Variants in CNTN5 observed in about 807,000 individuals in gnomAD.
CNTN5 encodes contactin-5.
CNTN5 carries 77 observed loss-of-function variants against 129.1 expected under a neutral mutation model. The observed-to-expected ratio is 0.60, with a 90% CI of 0.50 to 0.72. The LOEUF is 0.72. CNTN5 is among the 30% of genes least tolerant of loss of function. The pLI is 0.00. For synonymous variants in CNTN5, 509 were observed against 465.6 expected (o/e 1.09, Z -1.20); for missense variants, 1,478 against 1,328.8 (o/e 1.11, Z -1.75).
At chr11:99,824,941 T>C (rs527935750) in intron 4 of CNTN5, among the ~76,000 whole-genome samples, 41 of 152,004 alleles carry the variant, frequency 2.7e-4, no homozygotes, top group Non-Finnish European at 4.6e-4. Context: ...CTAGATCTCA[T>C]ACAGTTTTTG....
intron 17 of CNTN5, among the ~76,000 whole-genome samples, chr11:100,257,761 T>C (rs1397370434): frequency 6.6e-6 from 1 of 151,900 alleles, no homozygotes; most frequent in Non-Finnish European, 1.5e-5. Context: ...AAAAAGAATG[T>C]CCACACAGAA....
At chr11:99,137,645 T>A (rs1859299419) in intron 1 of CNTN5, among the ~76,000 whole-genome samples, 1 of 152,154 alleles carries the variant, frequency 6.6e-6, no homozygotes, top group African/African-American at 2.4e-5. Flanking sequence ...ATACATTGTA[T>A]TACTCCTTAG....
chr11:99,634,890 C>A (rs1951494768), intron 3 of CNTN5, among the ~76,000 whole-genome samples: 1 of 152,170 alleles, frequency 6.6e-6, no homozygotes, highest in South Asian at 2.1e-4. Flanking sequence ...TTGTTCCACC[C>A]TATTGTCTAG....
intron 9 of CNTN5, among the ~76,000 whole-genome samples, chr11:100,025,636 G>GC (rs1941379827): frequency 6.6e-6 from 1 of 152,192 alleles, no homozygotes; most frequent in African/African-American, 2.4e-5. Flanking sequence ...GGGTGAAGCT[G>GC]CCCAACACCA....
At chr11:99,154,000 G>A (rs527733046) in intron 1 of CNTN5, among the ~76,000 whole-genome samples, 22 of 152,214 alleles carry the variant, frequency 1.4e-4, no homozygotes, top group Middle Eastern at 3.4e-3. Context: ...CTGGCCCCTA[G>A]AGGTTAGGAA....
intron 8 of CNTN5, among the ~76,000 whole-genome samples, chr11:99,975,618 A>G (rs1479534685): frequency 2.6e-5 from 4 of 152,098 alleles, no homozygotes; most frequent in Non-Finnish European, 4.4e-5. Flanking sequence ...AAAGTAAGGC[A>G]TATCTTACGT....
chr11:99,959,874 G>A (rs1336714861), intron 8 of CNTN5, among the ~76,000 whole-genome samples: 3 of 151,508 alleles, frequency 2.0e-5, no homozygotes, highest in South Asian at 2.1e-4. Flanking sequence ...ATTTACATTT[G>A]TTTTTTTCTG....
intron 2 of CNTN5, among the ~76,000 whole-genome samples, chr11:99,371,888 T>G (rs1412115715): frequency 6.6e-6 from 1 of 152,250 alleles, no homozygotes; most frequent in Non-Finnish European, 1.5e-5. Flanking sequence ...AACAGGCTTC[T>G]GCCCATTTTC....
intron 1 of CNTN5, among the ~76,000 whole-genome samples, chr11:99,055,342 T>G (rs756874372): frequency 4.5e-4 from 69 of 152,182 alleles, no homozygotes; most frequent in Non-Finnish European, 7.2e-4. Context: ...GCCTGACTAA[T>G]TTAAGATATC....
intron 2 of CNTN5, among the ~76,000 whole-genome samples, chr11:99,511,811 T>G (rs891461548): frequency 1.3e-5 from 2 of 150,544 alleles, no homozygotes; most frequent in Admixed American, 6.6e-5. Flanking sequence ...CCCTAAAACT[T>G]AAAGTATAAT....
chr11:99,098,337 G>T lies in CNTN5; in HGVS notation c.-210+77067G>T, dbSNP rs570269178. 3.3e-5 allele frequency among the ~76,000 whole-genome samples: 5 copies of T among 152,190 alleles called. No homozygotes were observed. The East Asian group carries it at 7.7e-4, about 24-fold the overall frequency. On this transcript the variant is annotated intron_variant, in intron 1 of 24. Coordinates refer to ENST00000524871, the MANE Select transcript of CNTN5 (RefSeq NM_014361.4). Reference sequence around the variant, plus strand: ...ATTAACCTTGAGAAGCGACATAGTTGACAAAGTAGGCCATGCAAGACAGTG... The same window carrying T: ...ATTAACCTTGAGAAGCGACATAGTTTACAAAGTAGGCCATGCAAGACAGTG...
intron 21 of CNTN5, chr11:100,308,723 G>A: frequency 2.8e-6 from 3 of 1,075,228 alleles, no homozygotes; most frequent in Non-Finnish European, 3.4e-6. Context: ...TTAGACAAAA[G>A]CAGGAGCTAC....
chr11:100,045,521 G>C (rs1942619309), intron 9 of CNTN5, among the ~76,000 whole-genome samples: 2 of 152,044 alleles, frequency 1.3e-5, no homozygotes, highest in African/African-American at 4.8e-5. Flanking sequence ...ACAAGAAGTA[G>C]TTATCCTCAT....
At chr11:99,400,833 C>T (rs1348420653) in intron 2 of CNTN5, among the ~76,000 whole-genome samples, 4 of 152,162 alleles carry the variant, frequency 2.6e-5, no homozygotes, top group East Asian at 1.9e-4. Context: ...TGATCAGTGA[C>T]GTAGAGCACC....
intron 1 of CNTN5, among the ~76,000 whole-genome samples, chr11:99,025,321 T>C (rs1863064489): frequency 6.6e-6 from 1 of 151,864 alleles, no homozygotes; most frequent in Non-Finnish European, 1.5e-5. Flanking sequence ...AAATAAGCAA[T>C]TGCATTTTAG....
intron 2 of CNTN5, among the ~76,000 whole-genome samples, chr11:99,344,878 C>T (rs985507161): frequency 2.6e-5 from 4 of 152,128 alleles, no homozygotes; most frequent in Non-Finnish European, 4.4e-5. Flanking sequence ...TGCTTGTTCT[C>T]CAAGACCATA....
At chr11:99,221,703 A>G (rs191344302) in intron 1 of CNTN5, among the ~76,000 whole-genome samples, 7 of 152,078 alleles carry the variant, frequency 4.6e-5, no homozygotes, top group Non-Finnish European at 8.8e-5. Flanking sequence ...AATTACCTAT[A>G]ATGATCTCCA....
intron 20 of CNTN5, among the ~76,000 whole-genome samples, chr11:100,304,434 G>A (rs1369511138): frequency 1.3e-5 from 2 of 151,612 alleles, no homozygotes; most frequent in African/African-American, 2.4e-5. Context: ...ATGCCTGAAT[G>A]TGACATGACT....
intron 1 of CNTN5, among the ~76,000 whole-genome samples, chr11:99,313,797 T>A (rs1485023612): frequency 2.0e-5 from 3 of 152,106 alleles, no homozygotes; most frequent in Non-Finnish European, 4.4e-5. Flanking sequence ...TTTATTCTAA[T>A]GATTTGCAGC....
Sources: allele counts gnomAD v4.1 joint callset (sites outside exome capture counted in the v4.1 genomes callset), GRCh38; gene constraint gnomAD v4.1.1; transcripts MANE v1.5; gene names NCBI Gene and HGNC (gene_info 2026-07-23, HGNC 2026-07-21).